BCL2L1: variants seen among roughly 807,000 people sequenced by gnomAD.
BCL2L1 encodes the protein BCL2 like 1, also known as bcl-2-like protein 1.
Under a neutral mutation model 18.7 loss-of-function variants are expected in BCL2L1, and 1 was observed. The ratio of observed to expected loss-of-function variants is 0.05; its 90% CI spans 0.02 to 0.25. BCL2L1 has a LOEUF of 0.25. BCL2L1 is among the 10% of genes least tolerant of loss of function. BCL2L1 has a pLI of 1.00. For synonymous variants in BCL2L1, 103 were observed against 122.7 expected (o/e 0.84, Z 1.06); for missense variants, 207 against 304.9 (o/e 0.68, Z 2.39).
chr20:31,694,383 G>A (rs2061133716), intron 2 of BCL2L1, among the ~76,000 whole-genome samples: 1 of 152,078 alleles, frequency 6.6e-6, no homozygotes, highest in African/African-American at 2.4e-5. Context: ...AGGGAGGGTG[G>A]TGGGATTAGC....
chr20:31,723,576 C>A (rs1166347876), upstream of BCL2L1: 1 of 984,642 alleles, frequency 1.0e-6, no homozygotes, highest in Non-Finnish European at 1.2e-6. Context: ...CCGCCCTCCC[C>A]CGGGGGCGCC....
chr20:31,678,384 TG>T (rs1431447486), intron 2 of BCL2L1, among the ~76,000 whole-genome samples: 1 of 152,182 alleles, frequency 6.6e-6, no homozygotes, highest in Non-Finnish European at 1.5e-5. Context: ...CCTGAGACTC[TG>T]GGAAAGTATG....
intron 2 of BCL2L1, among the ~76,000 whole-genome samples, chr20:31,667,368 C>T (rs1165965340): frequency 4.6e-5 from 7 of 151,058 alleles, no homozygotes; most frequent in South Asian, 2.1e-4. Flanking sequence ...GGCTGAGGCA[C>T]GAGAATTGTT....
rs2122389054 is a variant in BCL2L1 at position 31,666,053 on chromosome 20, C to G, written c.598G>C (p.Ala200Pro). 6.2e-7 allele frequency: 1 copy of G among 1,614,136 alleles called. No individual in the cohort carries two copies. The highest frequency in any genetic ancestry group is 8.5e-7 in the Non-Finnish European group (1 of 1,180,030). ...TFVELYGNNA[A>P]AESRKGQERF... ...TCCTGGCCCTTTCGGCTCTCGGCTG[C>G]TGCATTGTTCCCATAGAGTTCCACA... Residue 200 changes from alanine (A) to proline (P), a missense_variant, in exon 3 of 3, where the codon GCA becomes CCA. Coordinates refer to ENST00000307677, the MANE Select transcript of BCL2L1 (RefSeq NM_138578.3).
chr20:31,680,154 A>G (rs1172693848), intron 2 of BCL2L1, among the ~76,000 whole-genome samples: 1 of 152,248 alleles, frequency 6.6e-6, no homozygotes, highest in Non-Finnish European at 1.5e-5. Flanking sequence ...CCAATGAGGA[A>G]ACTAAAATTC....
intron 2 of BCL2L1, among the ~76,000 whole-genome samples, chr20:31,704,045 G>A (rs1477999235): frequency 4.6e-5 from 7 of 150,966 alleles, no homozygotes; most frequent in South Asian, 2.1e-4. Context: ...TGATCCACTC[G>A]GCTTGGCCTC....
intron 2 of BCL2L1, among the ~76,000 whole-genome samples, chr20:31,692,281 A>G (rs1474060725): frequency 6.6e-6 from 1 of 152,278 alleles, no homozygotes; most frequent in African/African-American, 2.4e-5. Flanking sequence ...TCATAACAGC[A>G]TTGTCTGAAA....
intron 2 of BCL2L1, among the ~76,000 whole-genome samples, chr20:31,679,674 T>C (rs1322241435): frequency 6.6e-6 from 1 of 152,246 alleles, no homozygotes; most frequent in East Asian, 1.9e-4. Context: ...TCGTTATTAA[T>C]TGAGACGAAG....
intron 2 of BCL2L1, among the ~76,000 whole-genome samples, chr20:31,671,284 C>T (rs2060665076): frequency 6.6e-6 from 1 of 152,058 alleles, no homozygotes; most frequent in Non-Finnish European, 1.5e-5. Context: ...AACTGGGTCT[C>T]CTGACTTGGC....
At chr20:31,671,139 C>T (rs1478427648) in intron 2 of BCL2L1, among the ~76,000 whole-genome samples, 4 of 151,992 alleles carry the variant, frequency 2.6e-5, no homozygotes, top group Admixed American at 6.6e-5. Context: ...GGGCCACTGG[C>T]GACAGGCAAT....
chr20:31,670,121 T>C (rs1380281498), intron 2 of BCL2L1, among the ~76,000 whole-genome samples: 2 of 152,118 alleles, frequency 1.3e-5, no homozygotes, highest in Non-Finnish European at 2.9e-5. Flanking sequence ...GGAGAAGGAA[T>C]GTGGGAGCAG....
chr20:31,720,245 C>T, intron 2 of BCL2L1: 5 of 785,240 alleles, frequency 6.4e-6, no homozygotes, highest in Non-Finnish European at 7.7e-6. Flanking sequence ...GGTTCCAGGG[C>T]AAACTCAGGA....
chr20:31,697,892 GT>G (rs199575410), intron 2 of BCL2L1, among the ~76,000 whole-genome samples: 34 of 129,612 alleles, frequency 2.6e-4, no homozygotes, highest in Admixed American at 5.2e-4. Flanking sequence ...TGCTGTTGCT[GT>G]TTTTTTTTTT....
chr20:31,721,455 G>T, intron 2 of BCL2L1, 200 bp downstream of exon 2: 2 of 607,820 alleles, frequency 3.3e-6, no homozygotes, highest in Non-Finnish European at 5.4e-6. Context: ...GGTGAAAGAT[G>T]CCTGATCTCT....
chr20:31,699,646 CA>C (rs1333461556), intron 2 of BCL2L1, among the ~76,000 whole-genome samples: 2 of 152,212 alleles, frequency 1.3e-5, no homozygotes, highest in Admixed American at 1.3e-4. Flanking sequence ...AAGAGTGGAG[CA>C]GGGGAAAGAA....
intron 2 of BCL2L1, among the ~76,000 whole-genome samples, chr20:31,708,829 AG>A (rs2122759568): frequency 6.6e-6 from 1 of 152,238 alleles, no homozygotes; most frequent in East Asian, 1.9e-4. Flanking sequence ...GGGCCTACCT[AG>A]GGTACCCTTC....
At chr20:31,693,514 G>A (rs577033314) in intron 2 of BCL2L1, among the ~76,000 whole-genome samples, 1 of 151,894 alleles carries the variant, frequency 6.6e-6, no homozygotes, top group South Asian at 2.1e-4. Context: ...TACACAGGGG[G>A]CTCTAAGGTA....
At chr20:31,708,386 T>C (rs879457993) in intron 2 of BCL2L1, among the ~76,000 whole-genome samples, 2 of 152,160 alleles carry the variant, frequency 1.3e-5, no homozygotes, top group East Asian at 1.9e-4. Context: ...CTTGGGGAAA[T>C]GCCAAGGTAC....
At chr20:31,720,199 A>T in intron 2 of BCL2L1, 2 of 972,330 alleles carry the variant, frequency 2.1e-6, no homozygotes, top group East Asian at 1.1e-4. Context: ...AGACGAGTTG[A>T]AATTGCAAAG....
Sources: allele counts gnomAD v4.1 joint callset (sites outside exome capture counted in the v4.1 genomes callset), GRCh38; gene constraint gnomAD v4.1.1; transcripts MANE v1.5; gene names NCBI Gene and HGNC (gene_info 2026-07-23, HGNC 2026-07-21).